Variants in TTLL1 observed in about 807,000 individuals in gnomAD.
TTLL1 encodes the protein polyglutamylase complex subunit TTLL1.
In TTLL1, 33 loss-of-function variants were observed where a neutral mutation model predicts 47.8. That is an observed-to-expected ratio of 0.69 (90% confidence interval 0.52 to 0.92). The LOEUF (loss-of-function observed/expected upper bound fraction) is 0.92, where lower values mean the gene tolerates loss of function less well. Among genes scored for constraint, TTLL1 ranks in the 40% least tolerant of loss-of-function variants. The pLI, the probability that TTLL1 is intolerant of heterozygous loss-of-function variation, is 0.00. For synonymous variants in TTLL1, 225 were observed against 214.1 expected (o/e 1.05, Z -0.45); for missense variants, 488 against 547.5 (o/e 0.89, Z 1.08).
chr22:43,077,184 C>T (rs1928562754), intron 2 of TTLL1, among the ~76,000 whole-genome samples: 1 of 152,102 alleles, frequency 6.6e-6, no homozygotes. Flanking sequence ...CACACAGACC[C>T]CTGGCCCTCA....
chr22:43,068,712 G>C (rs570639753), intron 4 of TTLL1, 122 bp from the exon 5 acceptor site: 7 of 848,486 alleles, frequency 8.2e-6, no homozygotes, highest in African/African-American at 1.7e-5. Flanking sequence ...CAACCCAGCA[G>C]CTAACAGAAC....
chr22:43,067,062 T>A (rs893637104), intron 5 of TTLL1, among the ~76,000 whole-genome samples: 1 of 151,276 alleles, frequency 6.6e-6, no homozygotes, highest in African/African-American at 2.4e-5. Flanking sequence ...TCCTGACAAG[T>A]GAGTCATCTC....
At chr22:43,063,746 G>A (rs777156291) in intron 7 of TTLL1, 67 bp downstream of exon 7, 30 of 1,497,422 alleles carry the variant, frequency 2.0e-5, no homozygotes, top group East Asian at 4.5e-5. Flanking sequence ...GATTACAGGC[G>A]TGAGCCACCA....
intron 10 of TTLL1, among the ~76,000 whole-genome samples, chr22:43,043,451 A>C (rs1925859760): frequency 6.6e-6 from 1 of 151,704 alleles, no homozygotes; most frequent in South Asian, 2.1e-4. Context: ...AGACCCCCTC[A>C]GTCCTCCAGC....
intron 1 of TTLL1, among the ~76,000 whole-genome samples, chr22:43,081,798 C>T (rs1336057220): frequency 1.4e-5 from 2 of 146,454 alleles, no homozygotes; most frequent in Non-Finnish European, 3.0e-5. Context: ...CCACCCGCTT[C>T]GGCCTCCCAA....
chr22:43,078,794 A>G (rs892208226), intron 2 of TTLL1, among the ~76,000 whole-genome samples: 2 of 152,030 alleles, frequency 1.3e-5, no homozygotes, highest in African/African-American at 4.8e-5. Flanking sequence ...AGTCACACCA[A>G]GATGACAATA....
intron 1 of TTLL1, among the ~76,000 whole-genome samples, chr22:43,084,075 T>C (rs1929068920): frequency 6.6e-6 from 1 of 152,186 alleles, no homozygotes; most frequent in South Asian, 2.1e-4. Context: ...TAAAATAAAC[T>C]AAATCCTTAT....
chr22:43,041,518 G>A (rs1038264392), intron 10 of TTLL1, among the ~76,000 whole-genome samples: 18 of 142,460 alleles, frequency 1.3e-4, no homozygotes, highest in African/African-American at 2.9e-4. Flanking sequence ...TGGGAAGAAA[G>A]CATTTTCTGA....
chr22:43,045,470 ATTTTT>A (rs57003421), intron 10 of TTLL1, among the ~76,000 whole-genome samples: 1 of 107,978 alleles, frequency 9.3e-6, no homozygotes, highest in African/African-American at 3.7e-5. Flanking sequence ...TATTATACCC[ATTTTT>A]TTTTTTTTTT....
At chr22:43,088,369 C>G (rs904101406) in intron 1 of TTLL1, among the ~76,000 whole-genome samples, 1 of 119,436 alleles carries the variant, frequency 8.4e-6, no homozygotes, top group African/African-American at 3.4e-5. Context: ...CAGAATCTCG[C>G]TCTGTCGCCC....
intron 7 of TTLL1, among the ~76,000 whole-genome samples, chr22:43,060,768 G>A (rs1300073221): frequency 6.6e-6 from 1 of 152,142 alleles, no homozygotes; most frequent in African/African-American, 2.4e-5. Flanking sequence ...ATACCCAAAT[G>A]TATTACATTG....
At chr22:43,048,628 G>A (rs1223126790) in intron 9 of TTLL1, among the ~76,000 whole-genome samples, 2 of 150,516 alleles carry the variant, frequency 1.3e-5, no homozygotes, top group Admixed American at 1.3e-4. Context: ...CACAGAGCGA[G>A]ACTTGGTCTC....
intron 10 of TTLL1, among the ~76,000 whole-genome samples, chr22:43,041,819 T>C (rs1470834474): frequency 1.3e-5 from 2 of 152,096 alleles, no homozygotes; most frequent in African/African-American, 4.8e-5. Context: ...CCTGGCCGCA[T>C]TTTCTGACTT....
chr22:43,056,742 G>A (rs558791541), intron 8 of TTLL1, among the ~76,000 whole-genome samples: 5 of 150,786 alleles, frequency 3.3e-5, no homozygotes, highest in Admixed American at 6.6e-5. Flanking sequence ...CCAAGATCGC[G>A]CCACTGCACT....
At chr22:43,043,926 A>T (rs1266995295) in intron 10 of TTLL1, among the ~76,000 whole-genome samples, 1 of 149,838 alleles carries the variant, frequency 6.7e-6, no homozygotes, top group Non-Finnish European at 1.5e-5. Context: ...GAAACCCCCA[A>T]CTCCCTGACC....
At chr22:43,080,499 C>T (rs1014833984) in intron 1 of TTLL1, among the ~76,000 whole-genome samples, 7 of 152,164 alleles carry the variant, frequency 4.6e-5, no homozygotes. Flanking sequence ...GTATTACTTA[C>T]TGGCTCCAGC....
chr22:43,047,004 G>A (rs147614833), intron 9 of TTLL1, among the ~76,000 whole-genome samples: 7 of 152,064 alleles, frequency 4.6e-5, no homozygotes, highest in Admixed American at 1.3e-4. Context: ...ATCTAATACC[G>A]TCAGAGCACC....
At chr22:43,069,208 C>T (rs933093844) in intron 4 of TTLL1, among the ~76,000 whole-genome samples, 1 of 125,308 alleles carries the variant, frequency 8.0e-6, no homozygotes, top group Non-Finnish European at 1.6e-5. Flanking sequence ...AATCCCATCT[C>T]TACTAAAAAT....
intron 8 of TTLL1, among the ~76,000 whole-genome samples, chr22:43,057,188 T>C (rs1410057721): frequency 6.6e-6 from 1 of 151,774 alleles, no homozygotes; most frequent in East Asian, 1.9e-4. Context: ...GAGAATTGTT[T>C]GAACCAGGGA....
Sources: allele counts gnomAD v4.1 joint callset (sites outside exome capture counted in the v4.1 genomes callset), GRCh38; gene constraint gnomAD v4.1.1; transcripts MANE v1.5; gene names NCBI Gene and HGNC (gene_info 2026-07-23, HGNC 2026-07-21).